Variants in HIVEP3 observed in about 807,000 individuals in gnomAD.
HIVEP3 encodes the protein transcription factor HIVEP3.
A neutral mutation model predicts 152.8 loss-of-function variants in HIVEP3; 49 were observed. The ratio of observed to expected loss-of-function variants is 0.32; its 90% CI spans 0.26 to 0.41. The LOEUF (loss-of-function observed/expected upper bound fraction) is 0.41, where lower values mean the gene tolerates loss of function less well. Among genes scored for constraint, HIVEP3 ranks in the 10% least tolerant of loss-of-function variants. HIVEP3 has a pLI of 1.00. For synonymous variants in HIVEP3, 1,269 were observed against 1,289.0 expected (o/e 0.98, Z 0.33); for missense variants, 2,790 against 3,103.3 (o/e 0.90, Z 2.40).
intron 1 of HIVEP3, among the ~76,000 whole-genome samples, chr1:41,896,317 T>G (rs1429383957): frequency 1.3e-5 from 2 of 152,204 alleles, no homozygotes; most frequent in Non-Finnish European, 2.9e-5. Flanking sequence ...TCAACCAGAT[T>G]ATGAGCATTC....
intron 1 of HIVEP3, among the ~76,000 whole-genome samples, chr1:41,840,729 T>A (rs1318793444): frequency 6.6e-6 from 1 of 152,170 alleles, no homozygotes. Flanking sequence ...GCCCATCAGA[T>A]CCTGGCCGTG....
intron 1 of HIVEP3, among the ~76,000 whole-genome samples, chr1:41,828,847 T>C (rs1642878409): frequency 6.6e-6 from 1 of 152,250 alleles, no homozygotes; most frequent in African/African-American, 2.4e-5. Context: ...TTGCACGTAG[T>C]GCAGCTCTTT....
Position 41,584,467 on chromosome 1 carries a change from C to G in HIVEP3, c.331G>C (p.Glu111Gln). Residue 111 changes from glutamate to glutamine, a missense_variant, in exon 4 of 9, where the codon GAG becomes CAG. Coordinates refer to ENST00000372583, the MANE Select transcript of HIVEP3 (RefSeq NM_024503.5). This position sits in a 1 kb window ranked among gnomAD's most constrained non-coding sequence, Gnocchi z 5.2. Reference sequence around the variant, plus strand: ...CATGTGGACCCCTCCAGGAGATGCTCAGGTTTGCCAGGCGACATGAATGCT... The same window carrying G: ...CATGTGGACCCCTCCAGGAGATGCTGAGGTTTGCCAGGCGACATGAATGCT... ...TPAFMSPGKP[E>Q]HLLEGSTWQL... is the part of the protein sequence containing the mutation. 6.2e-7 allele frequency: 1 copy of G among 1,614,108 alleles called. No homozygotes were observed. The highest frequency in any genetic ancestry group is 8.5e-7 in the Non-Finnish European group (1 of 1,180,012).
intron 1 of HIVEP3, among the ~76,000 whole-genome samples, chr1:41,937,613 T>G (rs1277326591): frequency 1.3e-5 from 2 of 152,138 alleles, no homozygotes; most frequent in Admixed American, 1.3e-4. Flanking sequence ...CACCAATAAT[T>G]TTTATTTTGA....
In HIVEP3 at chr1:41,510,567, T is replaced by A. The variant is rs1472348149; in HGVS notation, c.7105A>T (p.Thr2369Ser). The A allele has an allele frequency of 1.3e-6, 2 of 1,565,680 alleles. No homozygotes were observed. The highest frequency in any genetic ancestry group is 3.8e-5 in the Admixed American group (2 of 52,894). ...AEASARFPAR[T>S]RNLSGEPRTR... is the part of the protein sequence containing the mutation. ...CTGGGTTCCCCGGAGAGGTTCCTCG[T>A]CCGGGCTGGGAAGCGGGCAGAGGCC... The change falls in exon 9 of 9, where the codon ACG becomes TCG. Residue 2369 changes from threonine to serine, a missense_variant. Around this residue, in one of 9 missense-constraint regions of HIVEP3, gnomAD observed 816 missense variants for 806.5 expected, o/e 1.01. Coordinates refer to ENST00000372583, the MANE Select transcript of HIVEP3 (RefSeq NM_024503.5).
chr1:41,625,622 C>T (rs992630473), intron 3 of HIVEP3, among the ~76,000 whole-genome samples: 8 of 152,282 alleles, frequency 5.3e-5, no homozygotes, highest in Admixed American at 3.3e-4. Context: ...GTACTCCTAG[C>T]TACTCAGGAA....
In HIVEP3 at chr1:41,767,206, T is replaced by C. The variant is rs530052592; in HGVS notation, c.-800-66211A>G. Among the ~76,000 whole-genome samples the C allele has an allele frequency of 1.8e-4, 27 of 152,326 alleles. No individual in the cohort carries two copies. The East Asian group carries it at 5.0e-3, about 28-fold the overall frequency. On this transcript the variant is annotated intron_variant, in intron 1 of 8. Transcript: ENST00000372583. Reference sequence around the variant, plus strand: ...TCCATCTCCTATTTGGACTCCTCCCTCTGGGCCCCAAGATTCCTTCCACAT... The same window carrying C: ...TCCATCTCCTATTTGGACTCCTCCCCCTGGGCCCCAAGATTCCTTCCACAT...
chr1:41,554,284 T>C (rs186825756), intron 5 of HIVEP3, among the ~76,000 whole-genome samples: 2,210 of 152,062 alleles, frequency 0.015, 64 homozygotes, highest in African/African-American at 0.047. Flanking sequence ...CCATTGGCTA[T>C]TGAAGCTTGT....
At position 41,940,519 on chromosome 1, in the gene HIVEP3, G is replaced by A. The variant is rs150574262; in HGVS notation, n.120-21995C>T. ...AGGCACTGTGCTAGGCACTGTTGGA[G>A]GTGAAATGAACTCTTAAGAGAACAT... On this transcript the variant is annotated intron_variant and non_coding_transcript_variant, in intron 1 of 3. Coordinates refer to the HIVEP3 transcript ENST00000489103. Among the ~76,000 whole-genome samples the A allele has an allele frequency of 3.5e-3, 540 of 152,276 alleles. 1 individual carries two copies. Among genetic ancestry groups the A allele is most frequent in the Non-Finnish European group, 4.5e-3 (308 of 68,018 alleles).
chr1:41,619,529 T>C (rs1008630777), intron 3 of HIVEP3, among the ~76,000 whole-genome samples: 9 of 152,222 alleles, frequency 5.9e-5, no homozygotes, highest in Non-Finnish European at 1.2e-4. Flanking sequence ...TTTTGTGCTT[T>C]GTCACCCAGA....
At chr1:41,798,620 CT>C (rs1451851910) in intron 1 of HIVEP3, among the ~76,000 whole-genome samples, 21 of 151,864 alleles carry the variant, frequency 1.4e-4, no homozygotes, top group Admixed American at 1.3e-3. Flanking sequence ...CTTCTGCTGC[CT>C]TTTTTTTCTC....
At chr1:42,018,653 G>A (rs1645537047) in intron 1 of HIVEP3, among the ~76,000 whole-genome samples, 1 of 152,022 alleles carries the variant, frequency 6.6e-6, no homozygotes, top group African/African-American at 2.4e-5. Flanking sequence ...TTAAGAAGCA[G>A]TAAACAGAGA....
At chr1:41,757,451 G>T (rs1570470983) in intron 1 of HIVEP3, among the ~76,000 whole-genome samples, 2 of 151,826 alleles carry the variant, frequency 1.3e-5, no homozygotes, top group Admixed American at 6.6e-5. Context: ...TGAGAGTGGT[G>T]GTTTCACCTG....
chr1:41,630,614 C>G (rs1011202663), intron 2 of HIVEP3, among the ~76,000 whole-genome samples: 5 of 152,126 alleles, frequency 3.3e-5, no homozygotes, highest in African/African-American at 1.2e-4. Context: ...AAAAACAGGA[C>G]CTCAGTCCTA....
At chr1:41,919,281 C>G (rs1185946958), upstream of HIVEP3, among the ~76,000 whole-genome samples, 2 of 152,156 alleles carry the variant, frequency 1.3e-5, no homozygotes, top group Admixed American at 1.3e-4. Flanking sequence ...TCAGACGAGA[C>G]AGGGCACTCT....
At chr1:42,003,126 A>T (rs1160726975) in intron 1 of HIVEP3, among the ~76,000 whole-genome samples, 1 of 151,796 alleles carries the variant, frequency 6.6e-6, no homozygotes, top group African/African-American at 2.4e-5. Context: ...CCCAGGCTGG[A>T]GTACAGTGGC....
chr1:41,872,428 C>T (rs1644098769), intron 1 of HIVEP3, among the ~76,000 whole-genome samples: 1 of 152,206 alleles, frequency 6.6e-6, no homozygotes, highest in Non-Finnish European at 1.5e-5. Flanking sequence ...ACTCCTAAAT[C>T]TTGTCTACCT....
At chr1:41,964,110 G>T (rs978112540) in intron 1 of HIVEP3, among the ~76,000 whole-genome samples, 8 of 152,234 alleles carry the variant, frequency 5.3e-5, no homozygotes, top group African/African-American at 1.9e-4. Flanking sequence ...AGGAAAACTT[G>T]TGGAGGAGGG....
chr1:41,547,642 G>A (rs1569860762), intron 5 of HIVEP3, among the ~76,000 whole-genome samples: 2 of 152,210 alleles, frequency 1.3e-5, no homozygotes, highest in African/African-American at 4.8e-5. Flanking sequence ...TGGGCCAGGC[G>A]TTAGGGCCAA....
Sources: allele counts gnomAD v4.1 joint callset (sites outside exome capture counted in the v4.1 genomes callset), GRCh38; gene constraint gnomAD v4.1.1; regional missense constraint gnomAD v4.1.1; non-coding constraint Gnocchi (gnomAD v3.1); transcripts MANE v1.5; gene names NCBI Gene and HGNC (gene_info 2026-07-23, HGNC 2026-07-21).